AXDND1: variants seen among roughly 807,000 people sequenced by gnomAD.
AXDND1 encodes axonemal dynein light chain domain-containing protein 1.
Under a neutral mutation model 137.5 loss-of-function variants are expected in AXDND1, and 110 were observed. The observed-to-expected ratio is 0.80, with a 90% CI of 0.69 to 0.94. The LOEUF (loss-of-function observed/expected upper bound fraction) is 0.94, where lower values mean the gene tolerates loss of function less well. Among genes scored for constraint, AXDND1 ranks in the 40% least tolerant of loss-of-function variants. The pLI is 0.00. For synonymous variants in AXDND1, 414 were observed against 399.7 expected (o/e 1.04, Z -0.43); for missense variants, 1,191 against 1,169.8 (o/e 1.02, Z -0.26).
intron 12 of AXDND1, among the ~76,000 whole-genome samples, chr1:179,426,450 CAT>C (rs989035795): frequency 3.3e-5 from 5 of 152,070 alleles, no homozygotes; most frequent in African/African-American, 9.7e-5. Context: ...TATGGGCAAA[CAT>C]AGACAGATGA....
Position 179,488,665 on chromosome 1 carries a change from T to C in AXDND1, c.2092-2873T>C, listed in dbSNP as rs185680885. ...TTTCTTTCTTTCTTTCTTTCTTTCT[T>C]TCTTTCTTTCTTTCTTTCTTTCTTT... On this transcript the variant is annotated intron_variant, in intron 18 of 25. Transcript: ENST00000367618. Among the ~76,000 whole-genome samples the C allele has an allele frequency of 2.6e-4, 35 of 136,522 alleles. 1 individual carries two copies. The highest frequency in any genetic ancestry group is 7.9e-4 in the East Asian group (4 of 5,066). 89.6% of individuals were successfully genotyped at this position (136,522 alleles called of 152,430 possible). A position where few individuals can be genotyped will look rare whatever the true frequency, so the allele number is the denominator to read the frequency against.
chr1:179,421,367 CT>C (rs199703017), intron 12 of AXDND1, among the ~76,000 whole-genome samples: 152 of 107,146 alleles, frequency 1.4e-3, no homozygotes, highest in Middle Eastern at 4.8e-3. Context: ...TTTTCTTTTC[CT>C]TTTTTTTTTT....
chr1:179,416,705 C>T (rs533599584), intron 12 of AXDND1, among the ~76,000 whole-genome samples: 2 of 152,326 alleles, frequency 1.3e-5, no homozygotes, highest in South Asian at 4.1e-4. Context: ...ATGATGCTTA[C>T]AGCATTCTTG....
chr1:179,397,820 A>AT (rs74396784), intron 11 of AXDND1, among the ~76,000 whole-genome samples: 17,493 of 152,104 alleles, frequency 0.12, 1,189 homozygotes, highest in East Asian at 0.35. Context: ...ATTGTAGAAC[A>AT]TTTTTTCAGC....
chr1:179,483,061 T>C (rs1464456224), intron 17 of AXDND1, 67 bp from the exon 18 acceptor site: 8 of 1,063,960 alleles, frequency 7.5e-6, no homozygotes, highest in African/African-American at 4.9e-5. Context: ...CTCTTTCTCA[T>C]AGCTGATAGT....
intron 20 of AXDND1, among the ~76,000 whole-genome samples, chr1:179,503,189 T>C (rs932484170): frequency 3.9e-5 from 6 of 151,968 alleles, no homozygotes. Context: ...ATAAATATTA[T>C]GAATATTATG....
intron 15 of AXDND1, among the ~76,000 whole-genome samples, chr1:179,440,616 C>T (rs1288723319): frequency 2.0e-5 from 3 of 152,158 alleles, no homozygotes; most frequent in Admixed American, 6.5e-5. Flanking sequence ...GGTGCAGCAG[C>T]GTGTGAGACA....
chr1:179,402,372 A>C (rs974858573), intron 11 of AXDND1, among the ~76,000 whole-genome samples: 2 of 152,062 alleles, frequency 1.3e-5, no homozygotes, highest in African/African-American at 4.8e-5. Flanking sequence ...CACCCTCTTT[A>C]TAAGCTGATG....
At chr1:179,448,442 T>C in intron 16 of AXDND1, 4 of 538,244 alleles carry the variant, frequency 7.4e-6, no homozygotes, top group Non-Finnish European at 1.4e-5. Context: ...CTGCACCATT[T>C]TCAGCCACCT....
intron 8 of AXDND1, among the ~76,000 whole-genome samples, chr1:179,383,935 G>A (rs1223306934): frequency 6.6e-6 from 1 of 152,106 alleles, no homozygotes; most frequent in Non-Finnish European, 1.5e-5. Context: ...ATGTTGGCCA[G>A]GCTGTTCTCA....
At chr1:179,546,408 G>A (rs576772457) in intron 25 of AXDND1, among the ~76,000 whole-genome samples, 3 of 152,036 alleles carry the variant, frequency 2.0e-5, no homozygotes, top group South Asian at 2.1e-4. Context: ...TAACTGCTTT[G>A]TGGGAAGGTT....
intron 7 of AXDND1, 131 bp from the exon 8 acceptor site, chr1:179,383,311 C>T: frequency 4.5e-6 from 3 of 670,776 alleles, no homozygotes; most frequent in South Asian, 2.0e-5. Context: ...AGACACAGGT[C>T]TAATGCTTAA....
chr1:179,397,303 A>C (rs1651212633), intron 11 of AXDND1, among the ~76,000 whole-genome samples: 1 of 152,150 alleles, frequency 6.6e-6, no homozygotes, highest in African/African-American at 2.4e-5. Flanking sequence ...AGAATGTTGA[A>C]TATTGGCTTC....
At chr1:179,467,684 A>G (rs1663391899) in intron 16 of AXDND1, among the ~76,000 whole-genome samples, 1 of 152,198 alleles carries the variant, frequency 6.6e-6, no homozygotes, top group Non-Finnish European at 1.5e-5. Context: ...AATGGTTTAA[A>G]ATAAAAGAAG....
chr1:179,439,574 CCTCTGCA>C (rs1658684807), intron 15 of AXDND1, among the ~76,000 whole-genome samples: 1 of 150,820 alleles, frequency 6.6e-6, no homozygotes, highest in Non-Finnish European at 1.5e-5. Flanking sequence ...TATGTTTTTG[CCTCTGCA>C]CAGGGAAAAC....
chr1:179,422,225 A>G (rs1270251821), intron 12 of AXDND1, among the ~76,000 whole-genome samples: 2 of 141,418 alleles, frequency 1.4e-5, no homozygotes, highest in Admixed American at 1.4e-4. Context: ...CCGTCTTTCT[A>G]TCATTTTGAT....
intron 25 of AXDND1, among the ~76,000 whole-genome samples, chr1:179,541,714 G>A (rs1672182656): frequency 7.1e-6 from 1 of 139,888 alleles, no homozygotes; most frequent in Non-Finnish European, 1.6e-5. Context: ...ATATATGCAT[G>A]ATAATATATG....
At chr1:179,368,751 A>G in intron 2 of AXDND1, 49 bp from the exon 3 acceptor site, 2 of 1,475,562 alleles carry the variant, frequency 1.4e-6, no homozygotes, top group Non-Finnish European at 1.8e-6. Context: ...GCTCCATCTA[A>G]CTTAAAAAAA....
chr1:179,433,296 A>AT (rs1309517228), intron 15 of AXDND1, among the ~76,000 whole-genome samples: 1 of 151,274 alleles, frequency 6.6e-6, no homozygotes, highest in Admixed American at 6.6e-5. Context: ...TATTTTGTTA[A>AT]TTTTTTCAAA....
Sources: gnomAD v4.1 joint callset for allele counts (sites outside exome capture counted in the v4.1 genomes callset) on GRCh38, gnomAD v4.1.1 for gene constraint, MANE v1.5 for transcripts, NCBI Gene and HGNC (gene_info 2026-07-23, HGNC 2026-07-21) for gene names.